ATRNL1: variants seen among roughly 807,000 people sequenced by gnomAD.
ATRNL1 encodes the protein attractin like 1.
Under a neutral mutation model 182.7 loss-of-function variants are expected in ATRNL1, and 95 were observed. The observed-to-expected ratio is 0.52, with a 90% confidence interval of 0.44 to 0.62. The LOEUF is 0.62. Ranked by LOEUF, ATRNL1 falls within the 20% of genes least tolerant of loss-of-function variation. The pLI, the probability that ATRNL1 is intolerant of heterozygous loss-of-function variation, is 0.00. For missense variants in ATRNL1, 1,471 were observed against 1,679.5 expected (o/e 0.88, Z 2.17); for synonymous variants, 576 against 568.3 (o/e 1.01, Z -0.19).
At chr10:115,649,854 G>A (rs782062555) in intron 26 of ATRNL1, among the ~76,000 whole-genome samples, 5 of 151,978 alleles carry the variant, frequency 3.3e-5, no homozygotes, top group Non-Finnish European at 5.9e-5. Flanking sequence ...TTTATGGCAT[G>A]GAACTTCAAA....
intron 27 of ATRNL1, among the ~76,000 whole-genome samples, chr10:115,738,021 G>A (rs1184325846): frequency 6.6e-6 from 1 of 150,962 alleles, no homozygotes; most frequent in Non-Finnish European, 1.5e-5. Context: ...GGCCCCATGA[G>A]CCATTTGCCT....
At chr10:115,785,080 C>T (rs1010135339) in intron 27 of ATRNL1, among the ~76,000 whole-genome samples, 1 of 152,218 alleles carries the variant, frequency 6.6e-6, no homozygotes, top group South Asian at 2.1e-4. Context: ...ATCATCTAAA[C>T]CAGGTATAGG....
At chr10:115,218,672 GC>G (rs1230759484) in intron 9 of ATRNL1, among the ~76,000 whole-genome samples, 1 of 152,084 alleles carries the variant, frequency 6.6e-6, no homozygotes, top group East Asian at 1.9e-4. Flanking sequence ...TTTACTTGTC[GC>G]CCCCATAATT....
intron 8 of ATRNL1, among the ~76,000 whole-genome samples, chr10:115,172,841 GT>G (rs35287042): frequency 0.32 from 45,767 of 142,500 alleles, 7,992 homozygotes; most frequent in Middle Eastern, 0.45. Context: ...TTCTCAAGTT[GT>G]TTTTTTTTTT....
intron 27 of ATRNL1, among the ~76,000 whole-genome samples, chr10:115,796,855 ATAAACT>A (rs1949666394): frequency 6.6e-6 from 1 of 152,216 alleles, no homozygotes; most frequent in Admixed American, 6.5e-5. Flanking sequence ...TTTTGAAATC[ATAAACT>A]TAAAAAGAGC....
At chr10:115,103,258 C>A (rs868934955) in intron 1 of ATRNL1, among the ~76,000 whole-genome samples, 1 of 151,952 alleles carries the variant, frequency 6.6e-6, no homozygotes, top group East Asian at 1.9e-4. Flanking sequence ...AGGCTGGTCT[C>A]GAACTTCTGA....
At chr10:115,327,281 G>A (rs1489080303) in intron 18 of ATRNL1, among the ~76,000 whole-genome samples, 1 of 150,490 alleles carries the variant, frequency 6.6e-6, no homozygotes, top group East Asian at 1.9e-4. Context: ...CAAAGGACAT[G>A]AACAGACACT....
At chr10:115,440,208 G>A (rs914149834) in intron 21 of ATRNL1, among the ~76,000 whole-genome samples, 2 of 151,694 alleles carry the variant, frequency 1.3e-5, no homozygotes, top group Non-Finnish European at 2.9e-5. Context: ...GATATTTCGG[G>A]CTTACCTTGT....
At chr10:115,521,171 G>C (rs910764484) in intron 25 of ATRNL1, among the ~76,000 whole-genome samples, 2 of 144,206 alleles carry the variant, frequency 1.4e-5, no homozygotes, top group African/African-American at 5.4e-5. Flanking sequence ...TGTTGTTGTT[G>C]TTGAGACAGG....
At chr10:115,821,817 T>G (rs1455515899) in intron 27 of ATRNL1, among the ~76,000 whole-genome samples, 1 of 152,120 alleles carries the variant, frequency 6.6e-6, no homozygotes, top group Non-Finnish European at 1.5e-5. Context: ...AGACTTAGAC[T>G]CCCACACAAT....
rs782059612 is a variant in ATRNL1, at chr10:115,093,744, G to A, written c.-7G>A. Reference sequence around the variant, plus strand: ...CGCAGTCTCGCCGGGCAGGGGCGCCGGGGAAGATGGAGACTGGGGGCCGGG... The same window carrying A: ...CGCAGTCTCGCCGGGCAGGGGCGCCAGGGAAGATGGAGACTGGGGGCCGGG... On this transcript the variant is annotated 5_prime_UTR_variant, in exon 1 of 29. Transcript: ENST00000355044. The surrounding 1 kb of genome is among the most constrained non-coding windows in gnomAD (Gnocchi z 6.1). The A allele has an allele frequency of 5.7e-6, 8 of 1,413,722 alleles. No individual in the cohort carries two copies. The South Asian group carries it at 7.6e-5, about 13-fold the overall frequency. 87.6% of individuals were successfully genotyped at this position (1,413,722 alleles called of 1,614,324 possible). A position where few individuals can be genotyped will look rare whatever the true frequency, so the allele number is the denominator to read the frequency against.
chr10:115,197,239 A>T lies in ATRNL1; in HGVS notation c.1349-18458A>T, dbSNP rs868962548. ...CTTGGATAAAGCTTACTTGGTCATA[A>T]TATATTATCCTTTTCATATATTGCT... On this transcript the variant is annotated intron_variant, in intron 8 of 28. Coordinates refer to ENST00000355044, the MANE Select transcript of ATRNL1 (RefSeq NM_207303.4). Among the ~76,000 whole-genome samples the T allele has an allele frequency of 1.4e-4, 21 of 152,218 alleles. No homozygotes were observed. The Middle Eastern group carries it at 0.017, about 123-fold the overall frequency.
intron 26 of ATRNL1, among the ~76,000 whole-genome samples, chr10:115,577,837 G>A (rs1281079611): frequency 1.7e-4 from 26 of 151,578 alleles, no homozygotes; most frequent in African/African-American, 5.5e-4. Context: ...CCATATATTA[G>A]AGGCAAAGCT....
At chr10:115,784,067 C>T (rs1453205530) in intron 27 of ATRNL1, among the ~76,000 whole-genome samples, 1 of 152,136 alleles carries the variant, frequency 6.6e-6, no homozygotes, top group Non-Finnish European at 1.5e-5. Flanking sequence ...TGTTGAAGAC[C>T]TAGCTTTATC....
intron 21 of ATRNL1, among the ~76,000 whole-genome samples, chr10:115,446,728 C>T (rs1270411481): frequency 6.6e-6 from 1 of 151,946 alleles, no homozygotes; most frequent in African/African-American, 2.4e-5. Context: ...TTTGTATTCT[C>T]CTGAAGCTCT....
chr10:115,521,846 G>A (rs1031713923), intron 25 of ATRNL1, among the ~76,000 whole-genome samples: 1 of 152,160 alleles, frequency 6.6e-6, no homozygotes, highest in Non-Finnish European at 1.5e-5. Context: ...ATATTTTGAA[G>A]CTTATCAATT....
chr10:115,782,636 G>T (rs1555079563), intron 27 of ATRNL1, among the ~76,000 whole-genome samples: 1 of 152,146 alleles, frequency 6.6e-6, no homozygotes, highest in African/African-American at 2.4e-5. Context: ...AGTTGAAACT[G>T]GGAGTCTGTC....
intron 21 of ATRNL1, among the ~76,000 whole-genome samples, chr10:115,440,875 A>G (rs920792443): frequency 3.3e-5 from 5 of 151,924 alleles, no homozygotes; most frequent in South Asian, 2.1e-4. Flanking sequence ...CCTTTATAAT[A>G]CTCTCCAAAT....
intron 20 of ATRNL1, among the ~76,000 whole-genome samples, chr10:115,405,111 G>A (rs1427230918): frequency 6.6e-6 from 1 of 152,090 alleles, no homozygotes; most frequent in African/African-American, 2.4e-5. Context: ...GTCAAAGAAA[G>A]AGACAGCACT....
Sources: allele counts gnomAD v4.1 joint callset (sites outside exome capture counted in the v4.1 genomes callset), GRCh38; gene constraint gnomAD v4.1.1; non-coding constraint Gnocchi (gnomAD v3.1); transcripts MANE v1.5; gene names NCBI Gene and HGNC (gene_info 2026-07-23, HGNC 2026-07-21).